The following TRPC4 variants were observed in gnomAD, a reference collection of about 807,000 sequenced individuals.
The protein encoded by TRPC4 is short transient receptor potential channel 4.
A neutral mutation model predicts 99.4 loss-of-function variants in TRPC4; 49 were observed. The observed-to-expected ratio is 0.49, with a 90% confidence interval of 0.39 to 0.63. The LOEUF is 0.63. Ranked by LOEUF, TRPC4 falls within the 20% of genes least tolerant of loss-of-function variation. The pLI is 0.00. For missense variants in TRPC4, 898 were observed against 1,152.9 expected, an observed-to-expected ratio of 0.78 and a Z score of 3.20; for synonymous variants, 454 against 425.9, an observed-to-expected ratio of 1.07 and a Z score of -0.81.
At chr13:37,772,597 C>G (rs1956585497) in intron 2 of TRPC4, among the ~76,000 whole-genome samples, 1 of 151,664 alleles carries the variant, frequency 6.6e-6, no homozygotes, top group East Asian at 2.0e-4. Flanking sequence ...ATATTTTCAA[C>G]ATAATATTCT....
At chr13:37,729,899 T>G (rs1955188504) in intron 3 of TRPC4, among the ~76,000 whole-genome samples, 1 of 151,972 alleles carries the variant, frequency 6.6e-6, no homozygotes, top group African/African-American at 2.4e-5. Context: ...AGTTCTAGAG[T>G]GGATCGTAGT....
chr13:37,842,588 G>A (rs77654295), intron 1 of TRPC4, among the ~76,000 whole-genome samples: 1,654 of 152,162 alleles, frequency 0.011, 23 homozygotes, highest in African/African-American at 0.038. Flanking sequence ...CGGCAAGTCT[G>A]GTGAGGCCCA....
At chr13:37,664,937 T>TA (rs1486524138) in intron 5 of TRPC4, among the ~76,000 whole-genome samples, 15 of 152,186 alleles carry the variant, frequency 9.9e-5, no homozygotes, top group African/African-American at 3.4e-4. Context: ...ACTGGCAGTG[T>TA]AAAACAATCA....
chr13:37,837,359 G>A (rs1270362673), intron 1 of TRPC4, among the ~76,000 whole-genome samples: 1 of 152,250 alleles, frequency 6.6e-6, no homozygotes, highest in Non-Finnish European at 1.5e-5. Context: ...TGGAAAAGCT[G>A]TGGATACTCA....
In TRPC4 at chr13:37,723,104, T is replaced by C. The variant is rs146698386; in HGVS notation, c.897+22833A>G. Among the ~76,000 whole-genome samples the C allele has an allele frequency of 3.5e-3, 531 of 152,296 alleles. 5 individuals are homozygous for C. The highest frequency in any genetic ancestry group is 0.012 in the African/African-American group (519 of 41,572). The stretch of plus-strand genomic sequence containing the variant: ...CTCTTCAAACATATAAACACGCAAA[T>C]GCACACATGCACACACATGGGGAAA... On this transcript the variant is annotated intron_variant, in intron 3 of 10. Transcript: ENST00000379705.
At chr13:37,691,605 T>C (rs950123779) in intron 4 of TRPC4, among the ~76,000 whole-genome samples, 9 of 152,098 alleles carry the variant, frequency 5.9e-5, no homozygotes, top group Admixed American at 2.6e-4. Context: ...AGTTACTTTA[T>C]GTATAGAATC....
intron 3 of TRPC4, among the ~76,000 whole-genome samples, chr13:37,720,887 C>T (rs762134621): frequency 2.6e-5 from 4 of 152,202 alleles, no homozygotes; most frequent in Non-Finnish European, 5.9e-5. Context: ...GCAGTCTAAT[C>T]TCTAAACACA....
chr13:37,645,237 A>G (rs1029125959), intron 8 of TRPC4, among the ~76,000 whole-genome samples: 3 of 152,098 alleles, frequency 2.0e-5, no homozygotes, highest in African/African-American at 7.2e-5. Flanking sequence ...TGGATCAGAG[A>G]ACTCATGTTA....
chr13:37,766,829 T>C (rs1956386620), intron 2 of TRPC4, among the ~76,000 whole-genome samples: 1 of 151,468 alleles, frequency 6.6e-6, no homozygotes, highest in Admixed American at 6.6e-5. Flanking sequence ...CTCACAGGAC[T>C]AAGTGACCTT....
chr13:37,655,133 G>A lies in TRPC4; in HGVS notation c.1839C>T (p.Leu613=). 1 of 1,596,896 alleles carries A rather than the reference G, an allele frequency of 6.3e-7. No homozygotes were observed. The highest frequency in any genetic ancestry group is 8.5e-7 in the Non-Finnish European group (1 of 1,170,704). Residue 613 remains leucine, a synonymous_variant, in exon 7 of 11, where the codon CTC becomes CTT. Transcript: ENST00000379705. Reference sequence around the variant, plus strand: ...TATTCATCATAGCTATTAACATGTTGAGTAGAACAACCAGAGAGATGACAT... The same window carrying A: ...TATTCATCATAGCTATTAACATGTTAAGTAGAACAACCAGAGAGATGACAT... ...TYNVISLVVL[L]NMLIAMMNNS...
intron 1 of TRPC4, among the ~76,000 whole-genome samples, chr13:37,857,432 T>C (rs1476931178): frequency 6.6e-6 from 1 of 151,554 alleles, no homozygotes; most frequent in East Asian, 1.9e-4. Flanking sequence ...AAAATGTATA[T>C]GCAACCACAA....
intron 3 of TRPC4, among the ~76,000 whole-genome samples, chr13:37,741,319 C>T (rs1955583323): frequency 6.6e-6 from 1 of 152,202 alleles, no homozygotes; most frequent in South Asian, 2.1e-4. Flanking sequence ...ACAGACTCTG[C>T]ATCTGCAAAA....
intron 8 of TRPC4, among the ~76,000 whole-genome samples, chr13:37,647,903 A>G (rs1355201830): frequency 6.6e-6 from 1 of 152,202 alleles, no homozygotes; most frequent in Non-Finnish European, 1.5e-5. Context: ...TTTTAATAAT[A>G]CAACCATCTT....
intron 2 of TRPC4, among the ~76,000 whole-genome samples, chr13:37,750,566 G>T (rs1257154269): frequency 6.6e-6 from 1 of 152,150 alleles, no homozygotes; most frequent in South Asian, 2.1e-4. Flanking sequence ...ATATTAATAA[G>T]TTTCGGAATA....
intron 1 of TRPC4, among the ~76,000 whole-genome samples, chr13:37,860,587 C>T (rs1593336622): frequency 6.6e-6 from 1 of 151,482 alleles, no homozygotes; most frequent in African/African-American, 2.4e-5. Context: ...AATTGGATTT[C>T]ATCAGAAGGC....
intron 5 of TRPC4, among the ~76,000 whole-genome samples, chr13:37,668,763 T>C (rs1463613991): frequency 1.3e-5 from 2 of 152,146 alleles, no homozygotes; most frequent in Non-Finnish European, 2.9e-5. Flanking sequence ...AATAAAAATA[T>C]TGGTCAGTGA....
chr13:37,691,470 T>C (rs1018578502), intron 4 of TRPC4, among the ~76,000 whole-genome samples: 15 of 152,214 alleles, frequency 9.9e-5, no homozygotes, highest in Admixed American at 9.2e-4. Context: ...TCAGACCCAA[T>C]ACAACTTTCT....
At chr13:37,839,694 T>C (rs529539064) in intron 1 of TRPC4, among the ~76,000 whole-genome samples, 1 of 152,156 alleles carries the variant, frequency 6.6e-6, no homozygotes, top group Non-Finnish European at 1.5e-5. Flanking sequence ...TTAGGTAACT[T>C]ATACTAGGTT....
At chr13:37,726,125 G>T (rs1333712921) in intron 3 of TRPC4, among the ~76,000 whole-genome samples, 1 of 151,794 alleles carries the variant, frequency 6.6e-6, no homozygotes, top group Non-Finnish European at 1.5e-5. Context: ...GAACCCAGGA[G>T]GCGGAGGTTG....
Sources: allele counts gnomAD v4.1 joint callset (sites outside exome capture counted in the v4.1 genomes callset), GRCh38; gene constraint gnomAD v4.1.1; transcripts MANE v1.5; gene names NCBI Gene and HGNC (gene_info 2026-07-23, HGNC 2026-07-21).